Variants in RGS6 observed in about 807,000 individuals in gnomAD.
RGS6 encodes regulator of G-protein signaling 6.
RGS6 carries 30 observed loss-of-function variants against 78.5 expected under a neutral mutation model. That is an observed-to-expected ratio of 0.38 (90% CI 0.29 to 0.52). The LOEUF (loss-of-function observed/expected upper bound fraction) is 0.52, where lower values mean the gene tolerates loss of function less well. Ranked by LOEUF, RGS6 falls within the 20% of genes least tolerant of loss-of-function variation. The probability of loss-of-function intolerance (pLI) is 0.85; values close to 1 mark genes in which losing one functional copy is unlikely to be tolerated. For missense variants in RGS6, 495 were observed against 609.7 expected, an observed-to-expected ratio of 0.81 and a Z score of 1.98; for synonymous variants, 206 against 206.0, an observed-to-expected ratio of 1.00 and a Z score of 0.00.
chr14:72,556,790 G>A (rs761568731), intron 17 of RGS6, among the ~76,000 whole-genome samples: 4 of 152,118 alleles, frequency 2.6e-5, no homozygotes, highest in Admixed American at 6.5e-5. Context: ...ATTCATGAAT[G>A]TACCATTTAT....
intron 3 of RGS6, among the ~76,000 whole-genome samples, chr14:72,447,301 G>C (rs764745084): frequency 6.6e-6 from 1 of 152,140 alleles, no homozygotes; most frequent in Non-Finnish European, 1.5e-5. Context: ...CGGGAAATGC[G>C]CATCCTGGAT....
intron 3 of RGS6, among the ~76,000 whole-genome samples, chr14:72,379,882 A>G (rs2085626237): frequency 6.6e-6 from 1 of 152,200 alleles, no homozygotes; most frequent in Non-Finnish European, 1.5e-5. Context: ...CGAAAAGAAC[A>G]TAGTTAGAGG....
the RGS6 span, among the ~76,000 whole-genome samples, chr14:72,598,770 G>A: frequency 0.052 from 7,949 of 152,306 alleles, 246 homozygotes; most frequent in Middle Eastern, 0.17. Flanking sequence ...TGCTATGCCA[G>A]CAGGAGAGCC....
chr14:71,949,467 T>G (rs1299976973), intron 1 of RGS6, among the ~76,000 whole-genome samples: 2 of 152,206 alleles, frequency 1.3e-5, no homozygotes, highest in African/African-American at 4.8e-5. Context: ...ATTTGTCTTT[T>G]GCAGTGCCTA....
At chr14:72,225,369 C>G (rs1184227322) in intron 2 of RGS6, among the ~76,000 whole-genome samples, 1 of 152,162 alleles carries the variant, frequency 6.6e-6, no homozygotes, top group Non-Finnish European at 1.5e-5. Flanking sequence ...GTCACCCAGG[C>G]AAGAGTGCAG....
intron 3 of RGS6, among the ~76,000 whole-genome samples, chr14:72,359,523 G>A (rs1055303165): frequency 6.6e-6 from 1 of 152,142 alleles, no homozygotes; most frequent in South Asian, 2.1e-4. Flanking sequence ...GGGAGTGTCT[G>A]TGCTGGGTTC....
At chr14:72,523,672 T>C (rs1357218300) in intron 15 of RGS6, among the ~76,000 whole-genome samples, 1 of 152,190 alleles carries the variant, frequency 6.6e-6, no homozygotes, top group African/African-American at 2.4e-5. Context: ...CATTTGTACT[T>C]GTGTTTTGCT....
chr14:72,163,513 A>G (rs916701097), intron 2 of RGS6, among the ~76,000 whole-genome samples: 5 of 152,246 alleles, frequency 3.3e-5, no homozygotes, highest in African/African-American at 1.2e-4. Context: ...AAATAAATGC[A>G]TAAATAGCAA....
At chr14:72,089,121 A>G (rs1367724976) in intron 2 of RGS6, among the ~76,000 whole-genome samples, 1 of 152,246 alleles carries the variant, frequency 6.6e-6, no homozygotes, top group Admixed American at 6.5e-5. Flanking sequence ...ATTTTCATAA[A>G]GAGAACAAGA....
chr14:72,422,352 A>G (rs1420857719), intron 3 of RGS6, among the ~76,000 whole-genome samples: 5 of 152,224 alleles, frequency 3.3e-5, no homozygotes, highest in African/African-American at 1.2e-4. Flanking sequence ...ATGCTATAAT[A>G]TCAATCAACA....
chr14:72,365,701 T>C (rs1429369665), intron 3 of RGS6, among the ~76,000 whole-genome samples: 1 of 152,218 alleles, frequency 6.6e-6, no homozygotes, highest in African/African-American at 2.4e-5. Context: ...TTCATATGTG[T>C]GATCTAACTT....
chr14:72,387,717 G>A (rs550748017), intron 3 of RGS6, among the ~76,000 whole-genome samples: 5 of 152,340 alleles, frequency 3.3e-5, no homozygotes, highest in Admixed American at 2.6e-4. Flanking sequence ...ACAGTGGGAA[G>A]TAGGAATGAT....
intron 2 of RGS6, among the ~76,000 whole-genome samples, chr14:72,005,262 T>G (rs914570143): frequency 1.4e-4 from 21 of 150,236 alleles, no homozygotes; most frequent in African/African-American, 4.8e-4. Context: ...TAAACAGTGT[T>G]TTTCCCCCTG....
intron 3 of RGS6, among the ~76,000 whole-genome samples, chr14:72,440,297 C>T (rs532546133): frequency 7.2e-5 from 11 of 152,260 alleles, no homozygotes; most frequent in African/African-American, 2.2e-4. Context: ...CTGGGCTCTG[C>T]GCTCAGACCC....
intron 2 of RGS6, among the ~76,000 whole-genome samples, chr14:72,240,520 T>C (rs2052502891): frequency 6.6e-6 from 1 of 152,240 alleles, no homozygotes; most frequent in Admixed American, 6.5e-5. Context: ...TAACTGTTGC[T>C]GTTAATTAAG....
chr14:72,290,787 A>G (rs2063445201), intron 2 of RGS6, among the ~76,000 whole-genome samples: 1 of 152,228 alleles, frequency 6.6e-6, no homozygotes, highest in Non-Finnish European at 1.5e-5. Flanking sequence ...CGGATTAATT[A>G]AAAGCTGCTA....
chr14:72,395,405 C>A (rs920813927), intron 3 of RGS6, among the ~76,000 whole-genome samples: 1 of 152,150 alleles, frequency 6.6e-6, no homozygotes, highest in African/African-American at 2.4e-5. Flanking sequence ...TGGAATCATA[C>A]TCTAATGCCA....
At chr14:71,985,315 G>T (rs1392198695) in intron 2 of RGS6, among the ~76,000 whole-genome samples, 1 of 152,082 alleles carries the variant, frequency 6.6e-6, no homozygotes, top group Non-Finnish European at 1.5e-5. Context: ...GTAGAGACGG[G>T]GTCTCACTAT....
intron 2 of RGS6, among the ~76,000 whole-genome samples, chr14:72,077,858 G>A (rs962432637): frequency 1.3e-5 from 2 of 152,186 alleles, no homozygotes; most frequent in African/African-American, 4.8e-5. Flanking sequence ...GGGAGAATTT[G>A]AAGTATTATA....
Sources: allele counts gnomAD v4.1 joint callset (sites outside exome capture counted in the v4.1 genomes callset), GRCh38; gene constraint gnomAD v4.1.1; transcripts MANE v1.5; gene names NCBI Gene and HGNC (gene_info 2026-07-23, HGNC 2026-07-21).